SDK1: variants seen among roughly 807,000 people sequenced by gnomAD.
The protein encoded by SDK1 is sidekick cell adhesion molecule 1.
SDK1 carries 157 observed loss-of-function variants against 245.5 expected under a neutral mutation model. The ratio of observed to expected loss-of-function variants is 0.64; its 90% CI spans 0.56 to 0.73. SDK1 has a LOEUF of 0.73. SDK1 is among the 30% of genes least tolerant of loss of function. SDK1 has a pLI of 0.00. For missense variants in SDK1, 3,583 were observed against 3,002.3 expected (o/e 1.19, Z -4.52); for synonymous variants, 1,647 against 1,278.5 (o/e 1.29, Z -6.15).
At chr7:3,618,411 T>C (rs1781835009) in intron 1 of SDK1, among the ~76,000 whole-genome samples, 1 of 152,250 alleles carries the variant, frequency 6.6e-6, no homozygotes, top group African/African-American at 2.4e-5. Context: ...GCACATGCTA[T>C]AAGCTTTTTT....
chr7:3,900,634 T>C (rs1781755461), intron 5 of SDK1, among the ~76,000 whole-genome samples: 1 of 152,176 alleles, frequency 6.6e-6, no homozygotes. Flanking sequence ...GATTTCAACC[T>C]GCAGAAATGT....
intron 1 of SDK1, among the ~76,000 whole-genome samples, chr7:3,404,576 T>C (rs193232344): frequency 6.6e-5 from 10 of 152,360 alleles, no homozygotes; most frequent in African/African-American, 2.4e-4. Flanking sequence ...GTAAAAAGTT[T>C]TGACATGTTT....
intron 2 of SDK1, among the ~76,000 whole-genome samples, chr7:3,623,173 C>G (rs1017359362): frequency 6.6e-6 from 1 of 151,458 alleles, no homozygotes; most frequent in African/African-American, 2.4e-5. Flanking sequence ...CTTTTTCTAG[C>G]TTTGACTTAA....
chr7:3,840,346 T>G (rs910538922), intron 5 of SDK1, among the ~76,000 whole-genome samples: 2 of 152,134 alleles, frequency 1.3e-5, no homozygotes, highest in Admixed American at 6.6e-5. Context: ...ACAAAAATCT[T>G]TTAAATATCT....
In SDK1 at chr7:3,315,857, T is replaced by G. The variant is rs183357960; in HGVS notation, c.298+13973T>G. On this transcript the variant is annotated intron_variant, in intron 1 of 44. Transcript: ENST00000404826. ...TGTTTGTTTCCTATTTGAGGGAACT[T>G]GAATTATTGTTTTGGGCCTTATTTT... Among the ~76,000 whole-genome samples the G allele has an allele frequency of 4.2e-3, 641 of 152,262 alleles. 3 individuals are homozygous for G. The highest frequency in any genetic ancestry group is 0.014 in the African/African-American group (601 of 41,562).
intron 38 of SDK1, among the ~76,000 whole-genome samples, chr7:4,216,445 C>T (rs1359938639): frequency 6.6e-6 from 1 of 152,130 alleles, no homozygotes; most frequent in African/African-American, 2.4e-5. Context: ...GTGGGGGACT[C>T]TGAAAAATCC....
intron 4 of SDK1, among the ~76,000 whole-genome samples, chr7:3,817,115 C>A (rs1424574196): frequency 5.3e-5 from 8 of 152,124 alleles, no homozygotes; most frequent in Admixed American, 4.6e-4. Context: ...TGTTAAAGAG[C>A]AAAATACTTA....
In SDK1 at chr7:4,031,779, C is replaced by G. The variant is rs530049588; in HGVS notation, c.2602+14427C>G. 3.2e-4 allele frequency among the ~76,000 whole-genome samples: 49 copies of G among 152,082 alleles called. 1 individual carries two copies. The South Asian group carries it at 0.01, about 32-fold the overall frequency. On this transcript the variant is annotated intron_variant, in intron 17 of 44. Transcript: ENST00000404826. ...ATAAAAATAAATAACATTTCCCCAGCACTTTGGGAGGCCGAGGTGGGTGGA... is the reference window on the plus strand; with the variant it reads ...ATAAAAATAAATAACATTTCCCCAGGACTTTGGGAGGCCGAGGTGGGTGGA...
intron 1 of SDK1, among the ~76,000 whole-genome samples, chr7:3,303,736 T>C (rs138174694): frequency 8.5e-4 from 130 of 152,326 alleles, no homozygotes; most frequent in African/African-American, 2.9e-3. Context: ...CTCTGTGAAA[T>C]GTGTAATATA....
intron 4 of SDK1, among the ~76,000 whole-genome samples, chr7:3,712,769 A>T (rs1174320974): frequency 6.6e-6 from 1 of 152,268 alleles, no homozygotes; most frequent in African/African-American, 2.4e-5. Flanking sequence ...AAAGAAGTTC[A>T]TTCTGAGGAA....
At chr7:3,468,473 AC>A (rs1409509594) in intron 1 of SDK1, among the ~76,000 whole-genome samples, 1 of 151,920 alleles carries the variant, frequency 6.6e-6, no homozygotes, top group Non-Finnish European at 1.5e-5. Context: ...AGAAACCAGA[AC>A]CCCTTTCCCC....
intron 4 of SDK1, among the ~76,000 whole-genome samples, chr7:3,653,204 G>C (rs1003396765): frequency 3.9e-5 from 6 of 152,182 alleles, no homozygotes; most frequent in East Asian, 3.9e-4. Flanking sequence ...TGACTGTTAG[G>C]TGACACATAG....
intron 4 of SDK1, among the ~76,000 whole-genome samples, chr7:3,814,295 T>C (rs1271636022): frequency 6.7e-6 from 1 of 149,352 alleles, no homozygotes; most frequent in African/African-American, 2.5e-5. Flanking sequence ...TTGTATAAGG[T>C]GTAAGGAAGG....
rs1779402587 is a variant in SDK1 at position 4,139,633 on chromosome 7, ATATATGTGTGTG to A, written c.4229-6075_4229-6064del. ...TGTGTATATGTGTGTGTGTATATGT[ATATATGTGTGTG>A]TATATGTGTGTGTGTATATGTGTGT... On this transcript the variant is annotated intron_variant, in intron 28 of 44. Coordinates refer to ENST00000404826, the MANE Select transcript of SDK1 (RefSeq NM_152744.4). 1.2e-4 allele frequency among the ~76,000 whole-genome samples: 3 copies of A among 24,118 alleles called. 1 individual carries two copies. The South Asian group carries it at 5.1e-3, about 41-fold the overall frequency. 15.8% of individuals were successfully genotyped at this position (24,118 alleles called of 152,430 possible).
At chr7:3,387,555 G>C (rs1244802740) in intron 1 of SDK1, among the ~76,000 whole-genome samples, 1 of 152,122 alleles carries the variant, frequency 6.6e-6, no homozygotes. Context: ...TTTTAATCCT[G>C]TACCCAGGTC....
intron 1 of SDK1, among the ~76,000 whole-genome samples, chr7:3,448,879 C>G (rs751724519): frequency 4.6e-5 from 7 of 152,124 alleles, no homozygotes; most frequent in Non-Finnish European, 8.8e-5. Context: ...CAAATGCTAC[C>G]TGTTACTCTT....
chr7:3,570,437 G>T (rs759917641), intron 1 of SDK1, among the ~76,000 whole-genome samples: 4 of 152,102 alleles, frequency 2.6e-5, no homozygotes, highest in Non-Finnish European at 5.9e-5. Flanking sequence ...CTGTGCAGCT[G>T]GTTCCTAACA....
chr7:4,017,402 G>A (rs747833575), intron 17 of SDK1, 50 bp downstream of exon 17: 2 of 1,534,210 alleles, frequency 1.3e-6, no homozygotes, highest in African/African-American at 1.4e-5. Context: ...GCCGGGGAAT[G>A]GGATTTGCAA....
intron 17 of SDK1, among the ~76,000 whole-genome samples, chr7:4,029,396 A>G (rs879820316): frequency 2.6e-5 from 4 of 151,792 alleles, no homozygotes; most frequent in African/African-American, 7.3e-5. Flanking sequence ...TTTTTAGTGG[A>G]GACAGGATTT....
Sources: allele counts gnomAD v4.1 joint callset (sites outside exome capture counted in the v4.1 genomes callset), GRCh38; gene constraint gnomAD v4.1.1; transcripts MANE v1.5; gene names NCBI Gene and HGNC (gene_info 2026-07-23, HGNC 2026-07-21).